CTNND2: variants seen among roughly 807,000 people sequenced by gnomAD.
CTNND2 encodes the protein catenin delta-2.
In CTNND2, 22 loss-of-function variants were observed where a neutral mutation model predicts 144.4. The ratio of observed to expected loss-of-function variants is 0.15; its 90% CI spans 0.11 to 0.22. The LOEUF is 0.22. CTNND2 is among the 10% of genes least tolerant of loss of function. The probability of loss-of-function intolerance (pLI) is 1.00; values close to 1 mark genes in which losing one functional copy is unlikely to be tolerated. For missense variants in CTNND2, 1,353 were observed against 1,618.8 expected (o/e 0.84, Z 2.82); for synonymous variants, 751 against 695.6 (o/e 1.08, Z -1.25).
intron 11 of CTNND2, among the ~76,000 whole-genome samples, chr5:11,168,864 C>T (rs957558726): frequency 6.6e-6 from 1 of 151,878 alleles, no homozygotes; most frequent in Non-Finnish European, 1.5e-5. Context: ...AGACAAAATA[C>T]CCCCACTATC....
intron 2 of CTNND2, among the ~76,000 whole-genome samples, chr5:11,573,053 G>A (rs1462310571): frequency 6.6e-6 from 1 of 152,108 alleles, no homozygotes; most frequent in Non-Finnish European, 1.5e-5. Context: ...CCCACTCTGG[G>A]TTAGACTGCT....
chr5:11,801,291 T>A (rs1319809488), intron 1 of CTNND2, among the ~76,000 whole-genome samples: 2 of 152,176 alleles, frequency 1.3e-5, no homozygotes, highest in African/African-American at 4.8e-5. Flanking sequence ...AAACTCTTAC[T>A]CACCTAGGGT....
At chr5:11,813,331 T>C (rs1294906749) in intron 1 of CTNND2, among the ~76,000 whole-genome samples, 1 of 152,188 alleles carries the variant, frequency 6.6e-6, no homozygotes, top group Non-Finnish European at 1.5e-5. Context: ...ATCCCAGTCA[T>C]TAAGCAGAGC....
chr5:11,852,096 C>T (rs1459085648), intron 1 of CTNND2, among the ~76,000 whole-genome samples: 2 of 152,082 alleles, frequency 1.3e-5, no homozygotes. Flanking sequence ...TTGTTCCTTC[C>T]CCCTTGTTCC....
chr5:11,049,396 G>C (rs1255458074), intron 16 of CTNND2, among the ~76,000 whole-genome samples: 1 of 152,170 alleles, frequency 6.6e-6, no homozygotes, highest in Non-Finnish European at 1.5e-5. Context: ...AGGAACATTT[G>C]CACAGAGAAA....
chr5:11,871,038 T>C (rs1353115100), intron 1 of CTNND2, among the ~76,000 whole-genome samples: 1 of 152,140 alleles, frequency 6.6e-6, no homozygotes, highest in Non-Finnish European at 1.5e-5. Flanking sequence ...AGGGTAGAGC[T>C]TCCATGAATG....
intron 7 of CTNND2, among the ~76,000 whole-genome samples, chr5:11,370,173 G>GT (rs77463818): frequency 0.027 from 3,722 of 137,306 alleles, 112 homozygotes; most frequent in African/African-American, 0.079. Context: ...AACTACTTGG[G>GT]TTTTTTTTTT....
chr5:11,156,785 C>G (rs1180542444), intron 12 of CTNND2, among the ~76,000 whole-genome samples: 1 of 152,170 alleles, frequency 6.6e-6, no homozygotes. Flanking sequence ...TAGCTACACA[C>G]TCCGTAGGTC....
chr5:11,389,177 T>C (rs1418423168), intron 6 of CTNND2, among the ~76,000 whole-genome samples: 1 of 152,202 alleles, frequency 6.6e-6, no homozygotes, highest in Non-Finnish European at 1.5e-5. Context: ...AGTCTCAGCC[T>C]CGAGGGCAAC....
intron 6 of CTNND2, among the ~76,000 whole-genome samples, chr5:11,390,596 C>T (rs982686644): frequency 1.3e-5 from 2 of 152,194 alleles, no homozygotes; most frequent in South Asian, 4.1e-4. Context: ...GATTTATGAG[C>T]GGTCCTGTGA....
chr5:11,790,285 C>T (rs73743237), intron 1 of CTNND2, among the ~76,000 whole-genome samples: 2,676 of 152,232 alleles, frequency 0.018, 89 homozygotes, highest in African/African-American at 0.062. Flanking sequence ...TCCCCTACTC[C>T]AGAAGAAGTT....
chr5:11,898,482 A>C (rs1448687531), intron 1 of CTNND2, among the ~76,000 whole-genome samples: 3 of 152,196 alleles, frequency 2.0e-5, no homozygotes, highest in African/African-American at 7.2e-5. Context: ...CATCTGTTAA[A>C]CCAAAAATGT....
chr5:11,151,035 G>C (rs926921511), intron 12 of CTNND2, among the ~76,000 whole-genome samples: 3 of 152,212 alleles, frequency 2.0e-5, no homozygotes, highest in African/African-American at 7.2e-5. Context: ...TTCATCAACA[G>C]GGGCATGGCC....
intron 11 of CTNND2, among the ~76,000 whole-genome samples, chr5:11,184,136 A>G (rs560581095): frequency 3.2e-4 from 49 of 152,348 alleles, no homozygotes; most frequent in Middle Eastern, 3.4e-3. Context: ...ATTTCCATGC[A>G]TATTACTGCC....
At chr5:11,155,110 A>G (rs1758096756) in intron 12 of CTNND2, among the ~76,000 whole-genome samples, 1 of 152,238 alleles carries the variant, frequency 6.6e-6, no homozygotes, top group Non-Finnish European at 1.5e-5. Flanking sequence ...TTCAGCCAAC[A>G]TGAGCTTGTC....
chr5:11,650,307 G>T (rs1446959560), intron 2 of CTNND2, among the ~76,000 whole-genome samples: 1 of 152,128 alleles, frequency 6.6e-6, no homozygotes, highest in Non-Finnish European at 1.5e-5. Context: ...GTTTCCTGAG[G>T]TCTCTGCAAC....
chr5:11,444,794 C>T (rs374564233), intron 3 of CTNND2, among the ~76,000 whole-genome samples: 1 of 152,180 alleles, frequency 6.6e-6, no homozygotes, highest in Non-Finnish European at 1.5e-5. Flanking sequence ...CACTTGCTGG[C>T]CCCTGGGACC....
chr5:11,555,214 T>A (rs146159962), intron 3 of CTNND2, among the ~76,000 whole-genome samples: 1 of 152,308 alleles, frequency 6.6e-6, no homozygotes, highest in East Asian at 1.9e-4. Context: ...CTGGAGAAAT[T>A]ACTTATAGAC....
intron 15 of CTNND2, 60 bp from the exon 16 acceptor site, chr5:11,082,906 G>A: frequency 6.4e-7 from 1 of 1,565,848 alleles, no homozygotes; most frequent in Non-Finnish European, 8.7e-7. Flanking sequence ...CATGCAAATA[G>A]TACATTTGCG....
Sources: allele counts gnomAD v4.1 joint callset (sites outside exome capture counted in the v4.1 genomes callset), GRCh38; gene constraint gnomAD v4.1.1; transcripts MANE v1.5; gene names NCBI Gene and HGNC (gene_info 2026-07-23, HGNC 2026-07-21).